The following AGBL4 variants were observed in gnomAD, a reference collection of about 807,000 sequenced individuals.
AGBL4 encodes AGBL carboxypeptidase 4.
Under a neutral mutation model 66.4 loss-of-function variants are expected in AGBL4, and 58 were observed. The observed-to-expected ratio is 0.87, with a 90% CI of 0.71 to 1.09. The LOEUF (loss-of-function observed/expected upper bound fraction) is 1.09, where lower values mean the gene tolerates loss of function less well. AGBL4 is among the 50% of genes least tolerant of loss of function. AGBL4 has a pLI of 0.00. For missense variants in AGBL4, 579 were observed against 631.0 expected (o/e 0.92, Z 0.88); for synonymous variants, 234 against 222.9 (o/e 1.05, Z -0.44).
intron 3 of AGBL4, among the ~76,000 whole-genome samples, chr1:49,264,704 C>T (rs1653556356): frequency 6.6e-6 from 1 of 152,098 alleles, no homozygotes. Flanking sequence ...TATCACCACA[C>T]CCGGCTAATT....
At chr1:49,831,981 T>A (rs1645695954) in intron 2 of AGBL4, among the ~76,000 whole-genome samples, 1 of 129,466 alleles carries the variant, frequency 7.7e-6, no homozygotes. Context: ...GTGGATAAGC[T>A]TTTTTTTTTT....
chr1:48,757,894 A>G (rs1644027329), intron 6 of AGBL4, among the ~76,000 whole-genome samples: 1 of 152,198 alleles, frequency 6.6e-6, no homozygotes, highest in South Asian at 2.1e-4. Context: ...TTCAGGGGCT[A>G]TGGAGGCAAA....
At chr1:49,173,772 G>A (rs566479647) in intron 4 of AGBL4, among the ~76,000 whole-genome samples, 4 of 152,280 alleles carry the variant, frequency 2.6e-5, no homozygotes, top group South Asian at 4.1e-4. Context: ...AGTGAACCAT[G>A]TGGATCTCTT....
chr1:49,845,275 C>A, intron 2 of AGBL4: 6 of 1,559,182 alleles, frequency 3.8e-6, no homozygotes, highest in South Asian at 3.3e-5. Flanking sequence ...GACCTTCAAC[C>A]AAATTGCCCC....
chr1:49,349,312 A>G (rs1287602928), intron 3 of AGBL4, among the ~76,000 whole-genome samples: 1 of 152,210 alleles, frequency 6.6e-6, no homozygotes. Context: ...TTCCACCAGA[A>G]CATGAGTTCC....
Position 49,589,557 on chromosome 1 carries a change from C to A in AGBL4, c.282+107756G>T, listed in dbSNP as rs1273672609. Among the ~76,000 whole-genome samples the A allele has an allele frequency of 2.0e-5, 3 of 151,450 alleles. No individual in the cohort carries two copies. In the East Asian group the frequency reaches 5.8e-4, roughly 29 times the overall value. On this transcript the variant is annotated intron_variant, in intron 3 of 13. Coordinates refer to ENST00000371839, the MANE Select transcript of AGBL4 (RefSeq NM_032785.4). Reference sequence around the variant, plus strand: ...GTAGGGAAAGCATGAAAGTTATATGCAAATCACCATAAATGTACATCAATG... The same window carrying A: ...GTAGGGAAAGCATGAAAGTTATATGAAAATCACCATAAATGTACATCAATG...
At chr1:48,788,204 C>G (rs1188197438) in intron 6 of AGBL4, among the ~76,000 whole-genome samples, 2 of 152,234 alleles carry the variant, frequency 1.3e-5, no homozygotes, top group African/African-American at 4.8e-5. Context: ...CTGGCAGGCA[C>G]AGTGCCTGTC....
chr1:48,693,207 G>A (rs1646660820), intron 6 of AGBL4, among the ~76,000 whole-genome samples: 1 of 152,196 alleles, frequency 6.6e-6, no homozygotes, highest in African/African-American at 2.4e-5. Context: ...CGGACCCTGG[G>A]CAGGGCTGGG....
At chr1:49,865,970 T>C in intron 1 of AGBL4, 1 of 383,874 alleles carries the variant, frequency 2.6e-6, no homozygotes, top group Non-Finnish European at 5.3e-6. Context: ...CAACCACAAG[T>C]ATCAACAACC....
At chr1:49,239,556 T>C (rs1651047884) in intron 4 of AGBL4, among the ~76,000 whole-genome samples, 1 of 152,142 alleles carries the variant, frequency 6.6e-6, no homozygotes, top group African/African-American at 2.4e-5. Flanking sequence ...AAAATTGTTT[T>C]TGATACAATG....
At chr1:48,783,721 C>T (rs748146427) in intron 6 of AGBL4, among the ~76,000 whole-genome samples, 28 of 152,058 alleles carry the variant, frequency 1.8e-4, no homozygotes, top group Non-Finnish European at 1.0e-4. Flanking sequence ...AGGTCCTATC[C>T]CCTGAGACCC....
chr1:48,851,170 T>A (rs1261610648), intron 6 of AGBL4, among the ~76,000 whole-genome samples: 1 of 152,182 alleles, frequency 6.6e-6, no homozygotes, highest in Non-Finnish European at 1.5e-5. Flanking sequence ...ACCAGAGCCC[T>A]TATCCGTAGT....
At chr1:49,790,419 C>A (rs1379710894) in intron 2 of AGBL4, among the ~76,000 whole-genome samples, 2 of 146,612 alleles carry the variant, frequency 1.4e-5, no homozygotes, top group Non-Finnish European at 3.0e-5. Flanking sequence ...AAGATAAATA[C>A]CAAAAACAAG....
intron 1 of AGBL4, among the ~76,000 whole-genome samples, chr1:49,928,135 A>C (rs536212059): frequency 6.6e-6 from 1 of 152,372 alleles, no homozygotes; most frequent in Admixed American, 6.5e-5. Context: ...TGATGAAATT[A>C]AGACACAGAA....
At chr1:48,619,629 C>T (rs921743706) in intron 9 of AGBL4, among the ~76,000 whole-genome samples, 5 of 152,146 alleles carry the variant, frequency 3.3e-5, no homozygotes, top group Admixed American at 3.3e-4. Context: ...CAGTTGGAGG[C>T]TTTTTCAAGG....
At chr1:48,832,857 G>C (rs1207932210) in intron 6 of AGBL4, among the ~76,000 whole-genome samples, 1 of 152,198 alleles carries the variant, frequency 6.6e-6, no homozygotes, top group Non-Finnish European at 1.5e-5. Flanking sequence ...CCTGTCCTCA[G>C]ACTCTGACTT....
chr1:49,768,408 G>A (rs1301038081), intron 2 of AGBL4, among the ~76,000 whole-genome samples: 1 of 152,076 alleles, frequency 6.6e-6, no homozygotes, highest in East Asian at 1.9e-4. Context: ...CACATAAACA[G>A]AATTAAAAAC....
intron 3 of AGBL4, among the ~76,000 whole-genome samples, chr1:49,609,239 T>A (rs968205468): frequency 6.6e-6 from 1 of 152,178 alleles, no homozygotes; most frequent in African/African-American, 2.4e-5. Flanking sequence ...TAGGGACATA[T>A]GCTAGCTTCC....
rs545286921 is a variant in AGBL4, at chr1:49,283,627, T to C, written c.283-37763A>G. Among the ~76,000 whole-genome samples, 11 of 151,386 alleles carry C rather than the reference T, an allele frequency of 7.3e-5. No homozygotes were observed. The South Asian group carries it at 1.5e-3, about 20-fold the overall frequency. The stretch of plus-strand genomic sequence containing the variant: ...AATAAGTTGAAAACTTTGAAAAAAA[T>C]TTAGAAGAATGTATAACTAGAATAA... On this transcript the variant is annotated intron_variant, in intron 3 of 13. Transcript: ENST00000371839.
Sources: allele counts gnomAD v4.1 joint callset (sites outside exome capture counted in the v4.1 genomes callset), GRCh38; gene constraint gnomAD v4.1.1; transcripts MANE v1.5; gene names NCBI Gene and HGNC (gene_info 2026-07-23, HGNC 2026-07-21).